The following CYREN variants were observed in gnomAD, a reference collection of about 807,000 sequenced individuals.
CYREN encodes cell cycle regulator of NHEJ, also known as cell cycle regulator of non-homologous end joining.
A neutral mutation model predicts 9.7 loss-of-function variants in CYREN; 7 were observed. The ratio of observed to expected loss-of-function variants is 0.72; its 90% CI spans 0.41 to 1.36. The LOEUF (loss-of-function observed/expected upper bound fraction) is 1.36, where lower values mean the gene tolerates loss of function less well. Among genes scored for constraint, CYREN ranks in the 40% most tolerant of loss-of-function variants. The pLI, the probability that CYREN is intolerant of heterozygous loss-of-function variation, is 0.01. For missense variants in CYREN, 215 were observed against 198.1 expected (o/e 1.09, Z -0.51); for synonymous variants, 76 against 77.9 (o/e 0.98, Z 0.13).
intron 2 of CYREN, chr7:135,115,880 G>T: frequency 3.2e-6 from 1 of 310,866 alleles, no homozygotes. Context: ...AATAAAGTAT[G>T]ATTATAGCCT....
chr7:135,139,519 T>C (rs917132385), intron 2 of CYREN, among the ~76,000 whole-genome samples: 15 of 151,928 alleles, frequency 9.9e-5, no homozygotes, highest in African/African-American at 3.6e-4. Context: ...TCTCCCCTTC[T>C]ATAGGCTGTT....
chr7:135,113,476 T>A (rs534077500), intron 2 of CYREN, among the ~76,000 whole-genome samples: 17 of 152,346 alleles, frequency 1.1e-4, no homozygotes, highest in Admixed American at 6.5e-4. Context: ...TAAACAGTTA[T>A]TAACAAAGCA....
chr7:135,140,542 C>A (rs115813701), intron 2 of CYREN, among the ~76,000 whole-genome samples: 1 of 151,800 alleles, frequency 6.6e-6, no homozygotes, highest in Non-Finnish European at 1.5e-5. Context: ...TTTATTTGGA[C>A]GCCTTTTATT....
chr7:135,156,813 TG>T (rs1196283661), intron 2 of CYREN, among the ~76,000 whole-genome samples: 1 of 152,298 alleles, frequency 6.6e-6, no homozygotes, highest in East Asian at 1.9e-4. Context: ...CAACTTGAAT[TG>T]TAGCTCCCAT....
At chr7:135,121,876 T>A (rs1332135398) in intron 2 of CYREN, among the ~76,000 whole-genome samples, 1 of 152,148 alleles carries the variant, frequency 6.6e-6, no homozygotes, top group African/African-American at 2.4e-5. Flanking sequence ...GGGGAAACCG[T>A]GCTTTTTCCA....
At chr7:135,160,749 A>C (rs1050380205) in intron 2 of CYREN, among the ~76,000 whole-genome samples, 1 of 149,438 alleles carries the variant, frequency 6.7e-6, no homozygotes, top group East Asian at 2.0e-4. Flanking sequence ...AAAAAAAAAC[A>C]AAAAAAAGAG....
intron 2 of CYREN, among the ~76,000 whole-genome samples, chr7:135,143,167 C>A (rs184005802): frequency 2.6e-4 from 39 of 152,158 alleles, no homozygotes; most frequent in African/African-American, 9.2e-4. Context: ...GGCAACATAG[C>A]AAGACCCTGT....
At chr7:135,115,330 T>C (rs1458082314) in intron 2 of CYREN, 5 of 1,211,794 alleles carry the variant, frequency 4.1e-6, no homozygotes, top group Middle Eastern at 4.5e-4. Flanking sequence ...CAATAAGTAA[T>C]TGTGAATAGA....
At chr7:135,169,291 C>G (rs1395102182) in intron 1 of CYREN, 1 of 167,410 alleles carries the variant, frequency 6.0e-6, no homozygotes, top group East Asian at 1.7e-4. Flanking sequence ...GAGATACCTC[C>G]TGCAGCCTCT....
intron 2 of CYREN, among the ~76,000 whole-genome samples, chr7:135,098,303 T>A (rs902994409): frequency 6.6e-6 from 1 of 152,186 alleles, no homozygotes; most frequent in Non-Finnish European, 1.5e-5. Context: ...AATGGCATAG[T>A]GTTTGCATAT....
At chr7:135,101,629 T>A (rs1563266141) in intron 2 of CYREN, among the ~76,000 whole-genome samples, 2 of 152,176 alleles carry the variant, frequency 1.3e-5, no homozygotes, top group Admixed American at 1.3e-4. Flanking sequence ...GGTTTTCAGT[T>A]GAAAACCATC....
intron 2 of CYREN, among the ~76,000 whole-genome samples, chr7:135,103,918 T>C (rs17168224): frequency 0.08 from 12,208 of 152,172 alleles, 543 homozygotes; most frequent in East Asian, 0.19. Context: ...ATGGTATTAT[T>C]TTATTTTTAA....
rs73725226 is a variant in CYREN, at chr7:135,129,174, A to T, written n.357-34592T>A. ...TCTCCTCCAGTCCACCTTGGACCTG[A>T]TGGCAGATGTGGTGTACTGCCCCCA... On this transcript the variant is annotated intron_variant and non_coding_transcript_variant, in intron 2 of 2. Coordinates refer to the CYREN transcript ENST00000459937. The T allele has an allele frequency of 7.1e-3, 10,238 of 1,443,374 alleles. 559 individuals carry two copies. In the African/African-American group the frequency reaches 0.13, roughly 18 times the overall value. 89.4% of individuals were successfully genotyped at this position (1,443,374 alleles called of 1,614,324 possible). A position where few individuals can be genotyped will look rare whatever the true frequency, so the allele number is the denominator to read the frequency against.
At chr7:135,145,858 C>T (rs1829536762) in intron 2 of CYREN, among the ~76,000 whole-genome samples, 1 of 152,094 alleles carries the variant, frequency 6.6e-6, no homozygotes, top group Non-Finnish European at 1.5e-5. Context: ...ATATAAAAGT[C>T]ATGTTTATAC....
At chr7:135,096,734 A>AAT (rs761164719) in intron 2 of CYREN, among the ~76,000 whole-genome samples, 1 of 89,264 alleles carries the variant, frequency 1.1e-5, no homozygotes, top group Non-Finnish European at 2.5e-5. Flanking sequence ...AGAAAGAAAG[A>AAT]GAAAGAATGA....
chr7:135,095,809 C>T (rs139527380), intron 2 of CYREN, among the ~76,000 whole-genome samples: 5 of 152,156 alleles, frequency 3.3e-5, no homozygotes, highest in East Asian at 1.9e-4. Context: ...TCTGAGTGGA[C>T]GGGGGTACTG....
chr7:135,129,038 T>C (rs1330505883), intron 2 of CYREN: 13 of 1,608,618 alleles, frequency 8.1e-6, no homozygotes, highest in Admixed American at 5.0e-5. Flanking sequence ...AGATCAGAGA[T>C]GGCCAGGTTC....
chr7:135,172,372 C>T (rs1056347352), upstream of CYREN, among the ~76,000 whole-genome samples: 17 of 148,916 alleles, frequency 1.1e-4, no homozygotes, highest in Middle Eastern at 3.3e-3. Context: ...TTTTGAATTT[C>T]GTGATTTTGG....
intron 2 of CYREN, among the ~76,000 whole-genome samples, chr7:135,139,815 T>A (rs892864197): frequency 3.9e-5 from 6 of 152,136 alleles, no homozygotes; most frequent in South Asian, 2.1e-4. Flanking sequence ...CCAGCACCAT[T>A]TATTGAATAG....
Sources: allele counts gnomAD v4.1 joint callset (sites outside exome capture counted in the v4.1 genomes callset), GRCh38; gene constraint gnomAD v4.1.1; transcripts MANE v1.5; gene names NCBI Gene and HGNC (gene_info 2026-07-23, HGNC 2026-07-21).